Variants in HS3ST4 observed in about 807,000 individuals in gnomAD.
HS3ST4 encodes the protein heparan sulfate-glucosamine 3-sulfotransferase 4, also known as heparan sulfate glucosamine 3-O-sulfotransferase 4.
A neutral mutation model predicts 29.2 loss-of-function variants in HS3ST4; 17 were observed. The ratio of observed to expected loss-of-function variants is 0.58; its 90% confidence interval spans 0.40 to 0.87. The LOEUF (loss-of-function observed/expected upper bound fraction) is 0.87. Among genes scored for constraint, HS3ST4 ranks in the 40% least tolerant of loss-of-function variants. The pLI, the probability that HS3ST4 is intolerant of heterozygous loss-of-function variation, is 0.00. For synonymous variants in HS3ST4, 314 were observed against 285.7 expected, an observed-to-expected ratio of 1.10 and a Z score of -1.00; for missense variants, 627 against 634.5, an observed-to-expected ratio of 0.99 and a Z score of 0.13.
chr16:25,785,820 G>A (rs542450295), intron 1 of HS3ST4, among the ~76,000 whole-genome samples: 14 of 152,112 alleles, frequency 9.2e-5, no homozygotes, highest in African/African-American at 2.4e-4. Flanking sequence ...GACACAAGCC[G>A]GGAGAGGGGT....
chr16:25,707,746 T>G (rs1010356379), intron 1 of HS3ST4, among the ~76,000 whole-genome samples: 8 of 152,246 alleles, frequency 5.3e-5, no homozygotes, highest in African/African-American at 1.9e-4. Context: ...GCCTCCTTGC[T>G]GTACCTGAGA....
intron 1 of HS3ST4, among the ~76,000 whole-genome samples, chr16:26,040,115 G>C (rs1440501976): frequency 6.6e-6 from 1 of 152,068 alleles, no homozygotes; most frequent in Non-Finnish European, 1.5e-5. Context: ...TGTTTTTACT[G>C]TCTGCATATT....
At chr16:25,837,219 A>T (rs1351735016) in intron 1 of HS3ST4, among the ~76,000 whole-genome samples, 1 of 152,214 alleles carries the variant, frequency 6.6e-6, no homozygotes, top group Non-Finnish European at 1.5e-5. Context: ...ATTGGATGCC[A>T]TTCAGCTCAT....
intron 1 of HS3ST4, among the ~76,000 whole-genome samples, chr16:25,796,366 A>G (rs1270911266): frequency 6.6e-6 from 1 of 152,176 alleles, no homozygotes; most frequent in Non-Finnish European, 1.5e-5. Flanking sequence ...TTTCAAACAG[A>G]TGAATTTTGA....
rs1265559753 is a variant in HS3ST4, at chr16:25,884,766, A to G, written c.734+191615A>G. Among the ~76,000 whole-genome samples the G allele has an allele frequency of 4.6e-5, 7 of 152,264 alleles. No individual in the cohort carries two copies. In the South Asian group the frequency reaches 1.5e-3, roughly 32 times the overall value. On this transcript the variant is annotated intron_variant, in intron 1 of 1. Transcript: ENST00000331351. ...TTTTCAATAGTGATGGGGTTTCGCC[A>G]TGTTGGTCAGGCTGGTCTCGAACTT...
chr16:26,076,545 T>C (rs1217354248), intron 1 of HS3ST4, among the ~76,000 whole-genome samples: 1 of 152,198 alleles, frequency 6.6e-6, no homozygotes, highest in Admixed American at 6.5e-5. Context: ...AGCATAGTGA[T>C]TAAAACATGG....
intron 1 of HS3ST4, among the ~76,000 whole-genome samples, chr16:25,963,107 T>C (rs1968810647): frequency 6.6e-6 from 1 of 152,154 alleles, no homozygotes; most frequent in Admixed American, 6.5e-5. Flanking sequence ...AATGGTGGAC[T>C]TTTGAGCAAA....
chr16:26,096,655 A>T lies in HS3ST4; in HGVS notation c.735-38957A>T, dbSNP rs185612088. Among the ~76,000 whole-genome samples the T allele has an allele frequency of 5.3e-3, 813 of 152,312 alleles. 7 individuals are homozygous for T. The highest frequency in any genetic ancestry group is 0.019 in the African/African-American group (783 of 41,576). On this transcript the variant is annotated intron_variant, in intron 1 of 1. Coordinates refer to ENST00000331351, the MANE Select transcript of HS3ST4 (RefSeq NM_006040.3). The stretch of plus-strand genomic sequence containing the variant: ...GCCATTATCATACAGAATGGGCAAA[A>T]ACTAGAAGCATTCCCTTTGAAAACC...
At chr16:25,843,859 G>A (rs1052043013) in intron 1 of HS3ST4, among the ~76,000 whole-genome samples, 2 of 152,186 alleles carry the variant, frequency 1.3e-5, no homozygotes, top group African/African-American at 4.8e-5. Context: ...CTTGATGCAA[G>A]GTGATCAGCT....
intron 1 of HS3ST4, among the ~76,000 whole-genome samples, chr16:26,097,268 T>C (rs1257595616): frequency 5.3e-5 from 8 of 152,144 alleles, no homozygotes; most frequent in Non-Finnish European, 1.2e-4. Context: ...AGAGCCTGCA[T>C]TGTGAAGGCA....
chr16:25,973,853 C>T (rs898515977), intron 1 of HS3ST4, among the ~76,000 whole-genome samples: 21 of 152,138 alleles, frequency 1.4e-4, no homozygotes, highest in African/African-American at 4.3e-4. Flanking sequence ...CAGAGTGCAA[C>T]CCCAAGCTAT....
At chr16:26,027,560 C>G (rs535273531) in intron 1 of HS3ST4, among the ~76,000 whole-genome samples, 16 of 152,198 alleles carry the variant, frequency 1.1e-4, no homozygotes, top group Non-Finnish European at 2.4e-4. Flanking sequence ...TGGTATGGAT[C>G]TGGCACAGTG....
At chr16:25,764,780 C>T (rs568853720) in intron 1 of HS3ST4, among the ~76,000 whole-genome samples, 47 of 152,212 alleles carry the variant, frequency 3.1e-4, no homozygotes, top group African/African-American at 1.1e-3. Context: ...TTTTTTGCAC[C>T]CTGCCATATG....
At chr16:25,705,285 C>G (rs1241099171) in intron 1 of HS3ST4, among the ~76,000 whole-genome samples, 6 of 152,132 alleles carry the variant, frequency 3.9e-5, no homozygotes, top group African/African-American at 1.4e-4. Context: ...TTTGGGAGCC[C>G]CTGGAGATGA....
intron 1 of HS3ST4, among the ~76,000 whole-genome samples, chr16:25,934,947 A>G (rs562582717): frequency 3.5e-4 from 54 of 152,118 alleles, no homozygotes; most frequent in African/African-American, 1.3e-3. Context: ...AATCCTTGCA[A>G]TCCCCGCATG....
chr16:26,014,351 C>T (rs766791114), intron 1 of HS3ST4, among the ~76,000 whole-genome samples: 8 of 152,050 alleles, frequency 5.3e-5, no homozygotes, highest in Admixed American at 2.0e-4. Context: ...AAATTTTTAA[C>T]TTTTATTTTA....
intron 1 of HS3ST4, among the ~76,000 whole-genome samples, chr16:26,031,885 C>T (rs1457286178): frequency 6.6e-6 from 1 of 152,198 alleles, no homozygotes; most frequent in Non-Finnish European, 1.5e-5. Flanking sequence ...CCAATGAAGT[C>T]TTCATCTGAT....
chr16:25,721,271 G>A (rs1357303023), intron 1 of HS3ST4, among the ~76,000 whole-genome samples: 1 of 152,182 alleles, frequency 6.6e-6, no homozygotes. Flanking sequence ...GTTATTACAG[G>A]TGGGGGTTTA....
At chr16:25,791,901 G>T (rs993423919) in intron 1 of HS3ST4, among the ~76,000 whole-genome samples, 3 of 151,868 alleles carry the variant, frequency 2.0e-5, no homozygotes, top group Non-Finnish European at 4.4e-5. Flanking sequence ...TATATTGTTG[G>T]ATACCAGTGA....
Sources: gnomAD v4.1 joint callset for allele counts (sites outside exome capture counted in the v4.1 genomes callset) on GRCh38, gnomAD v4.1.1 for gene constraint, MANE v1.5 for transcripts, NCBI Gene and HGNC (gene_info 2026-07-23, HGNC 2026-07-21) for gene names.